Variants in AOAH observed in about 807,000 individuals in gnomAD.
AOAH encodes acyloxyacyl hydrolase, also known as acyloxyacyl hydrolase (neutrophil).
A neutral mutation model predicts 92.2 loss-of-function variants in AOAH; 64 were observed. That is an observed-to-expected ratio of 0.69 (90% CI 0.57 to 0.86). The LOEUF (loss-of-function observed/expected upper bound fraction) is 0.86, where lower values mean the gene tolerates loss of function less well. Among genes scored for constraint, AOAH ranks in the 40% least tolerant of loss-of-function variants. The pLI is 0.00. For synonymous variants in AOAH, 263 were observed against 254.5 expected, an observed-to-expected ratio of 1.03 and a Z score of -0.32; for missense variants, 656 against 694.6, an observed-to-expected ratio of 0.94 and a Z score of 0.62.
At chr7:36,611,707 T>A (rs543638524) in intron 11 of AOAH, among the ~76,000 whole-genome samples, 1 of 152,282 alleles carries the variant, frequency 6.6e-6, no homozygotes, top group Admixed American at 6.5e-5. Context: ...GGAGGACAAG[T>A]ACAAGGATTT....
In AOAH at chr7:36,516,709, G is replaced by A. The variant is rs1562853113; in HGVS notation, c.1600-3329C>T. 6.6e-6 allele frequency among the ~76,000 whole-genome samples: 1 copy of A among 152,114 alleles called. No homozygotes were observed. Among genetic ancestry groups the A allele is most frequent in the Non-Finnish European group, 1.5e-5 (1 of 68,028 alleles). On this transcript the variant is annotated intron_variant, in intron 20 of 20. Coordinates refer to ENST00000617537, the MANE Select transcript of AOAH (RefSeq NM_001637.4). The surrounding 1 kb of genome is among the most constrained non-coding windows in gnomAD (Gnocchi z 5.0). Reference sequence around the variant, plus strand: ...CTGCCAGGTCTGTGGAAAATTACTGGTTCTTCTTTTTTGTGTTATTGGCTT... The same window carrying A: ...CTGCCAGGTCTGTGGAAAATTACTGATTCTTCTTTTTTGTGTTATTGGCTT...
chr7:36,709,478 G>A (rs1444275311), intron 1 of AOAH, among the ~76,000 whole-genome samples: 5 of 152,076 alleles, frequency 3.3e-5, no homozygotes, highest in Admixed American at 6.6e-5. Flanking sequence ...GATTTCCTGC[G>A]CCCTGAAATG....
chr7:36,554,290 T>C (rs1786514030), intron 13 of AOAH, among the ~76,000 whole-genome samples: 2 of 152,178 alleles, frequency 1.3e-5, no homozygotes, highest in South Asian at 4.1e-4. Flanking sequence ...GATCAGATAG[T>C]TGTAGATATG....
In AOAH at chr7:36,563,147, CAAAAAAAAAAAAAAAAAAAAAA is replaced by C. The variant is rs60240330; in HGVS notation, c.1021+13405_1021+13426del. 3.6e-4 allele frequency among the ~76,000 whole-genome samples: 13 copies of C among 36,052 alleles called. 1 individual carries two copies. The highest frequency in any genetic ancestry group is 1.4e-3 in the South Asian group (1 of 734). The allele number at this position is 36,052 out of a possible 152,430, so 23.7% of individuals were successfully genotyped here. ...GTGCAACAAGAATGAAACTCCGTCT[CAAAAAAAAAAAAAAAAAAAAAA>C]AAAAAAAAAAAAAAAGGCAATGGGA... On this transcript the variant is annotated intron_variant, in intron 13 of 20. Transcript: ENST00000617537.
rs537877866 is a variant in AOAH at position 36,614,167 on chromosome 7, G to A, written c.846+2213C>T. On this transcript the variant is annotated intron_variant, in intron 11 of 20. Transcript: ENST00000617537. The surrounding 1 kb of genome is among the most constrained non-coding windows in gnomAD (Gnocchi z 4.2). ...CCCACCGTGCCCATGTCCCTTTCTC[G>A]AGGGCAGGGGCACCACCCCCTTCTC... 3.9e-5 allele frequency among the ~76,000 whole-genome samples: 6 copies of A among 152,252 alleles called. No individual in the cohort carries two copies. The East Asian group carries it at 1.2e-3, about 29-fold the overall frequency.
chr7:36,684,010 A>AG (rs764854862), intron 2 of AOAH, among the ~76,000 whole-genome samples: 66 of 152,122 alleles, frequency 4.3e-4, no homozygotes, highest in Non-Finnish European at 8.2e-4. Context: ...AAAAAAAAAA[A>AG]GAGTGGCCAA....
At chr7:36,585,468 A>C (rs1178672979) in intron 12 of AOAH, among the ~76,000 whole-genome samples, 1 of 152,188 alleles carries the variant, frequency 6.6e-6, no homozygotes, top group African/African-American at 2.4e-5. Flanking sequence ...AAAAATGTAA[A>C]CATTTGGGTC....
chr7:36,597,296 A>G lies in AOAH; in HGVS notation c.847-2866T>C, dbSNP rs1040700063. ...CAGCACCCACCACTTTCTGCTCGAG[A>G]CTCCACCATTACTGTGACTCAGCTA... On this transcript the variant is annotated intron_variant, in intron 11 of 20. Transcript: ENST00000617537. 1.8e-4 allele frequency among the ~76,000 whole-genome samples: 28 copies of G among 151,530 alleles called. No homozygotes were observed. The South Asian group carries it at 1.9e-3, about 10-fold the overall frequency.
intron 5 of AOAH, among the ~76,000 whole-genome samples, chr7:36,637,266 TG>T (rs1793586013): frequency 6.6e-6 from 1 of 152,224 alleles, no homozygotes; most frequent in Non-Finnish European, 1.5e-5. Flanking sequence ...AGATCCCAGA[TG>T]CTCTCTGCAC....
intron 1 of AOAH, among the ~76,000 whole-genome samples, chr7:36,712,081 TAGAA>T (rs1351754755): frequency 6.6e-6 from 1 of 152,178 alleles, no homozygotes; most frequent in Non-Finnish European, 1.5e-5. Context: ...TATAGAGAAA[TAGAA>T]AGAGTGAAAT....
At position 36,530,424 on chromosome 7, in the gene AOAH, G is replaced by A; in HGVS notation, c.1516C>T (p.His506Tyr). The A allele has an allele frequency of 6.2e-7, 1 of 1,609,868 alleles. No individual in the cohort carries two copies. Among genetic ancestry groups the A allele is most frequent in the Non-Finnish European group, 8.5e-7 (1 of 1,176,256 alleles). ...FNLFYMDFAF[H>Y]EIIQEWQKRG... Reference sequence around the variant, plus strand: ...CCCAAACAAAGCTACTTACTTTCATGGAAGGCAAAATCCATGTAGAAAAGA... The same window carrying A: ...CCCAAACAAAGCTACTTACTTTCATAGAAGGCAAAATCCATGTAGAAAAGA... Residue 506 changes from histidine to tyrosine, a missense_variant, in exon 19 of 21, where the codon CAT becomes TAT. By Grantham distance (83) the His-to-Tyr change is moderately conservative. Coordinates refer to ENST00000617537, the MANE Select transcript of AOAH (RefSeq NM_001637.4).
At chr7:36,542,193 TG>T (rs1272337719) in intron 15 of AOAH, among the ~76,000 whole-genome samples, 1 of 152,072 alleles carries the variant, frequency 6.6e-6, no homozygotes, top group Non-Finnish European at 1.5e-5. Flanking sequence ...AAGCAGACAC[TG>T]GGGTTATGGC....
chr7:36,618,617 G>C (rs1004949755), intron 9 of AOAH, among the ~76,000 whole-genome samples: 21 of 152,202 alleles, frequency 1.4e-4, no homozygotes, highest in African/African-American at 5.1e-4. Flanking sequence ...CCTGGACCAG[G>C]GGTCTCACCC....
intron 1 of AOAH, among the ~76,000 whole-genome samples, chr7:36,695,331 ATAACT>A (rs1328879181): frequency 6.6e-6 from 1 of 152,232 alleles, no homozygotes; most frequent in African/African-American, 2.4e-5. Flanking sequence ...TTTATCAAAC[ATAACT>A]TATTAAATAT....
chr7:36,641,687 T>A (rs1793932025), intron 4 of AOAH, among the ~76,000 whole-genome samples: 1 of 152,084 alleles, frequency 6.6e-6, no homozygotes, highest in African/African-American at 2.4e-5. Flanking sequence ...TATAACACAC[T>A]CCCATGCATA....
intron 9 of AOAH, 128 bp downstream of exon 9, chr7:36,620,653 G>T: frequency 1.3e-6 from 1 of 795,586 alleles, no homozygotes; most frequent in Non-Finnish European, 2.0e-6. Context: ...CCTCTTCTAA[G>T]CAGCAGGAAA....
At chr7:36,543,943 C>CTTTTTTTTTTTTTTTTTTTTTTTT (rs1407764591) in intron 15 of AOAH, among the ~76,000 whole-genome samples, 1 of 82,796 alleles carries the variant, frequency 1.2e-5, no homozygotes, top group African/African-American at 4.7e-5. Flanking sequence ...TTCTTTCTTT[C>CTTTTTTTTTTTTTTTTTTTTTTTT]TTTCTTTTTT....
intron 19 of AOAH, among the ~76,000 whole-genome samples, chr7:36,529,087 T>G (rs1004906290): frequency 2.6e-5 from 4 of 152,152 alleles, no homozygotes; most frequent in African/African-American, 9.7e-5. Flanking sequence ...GATGACACAT[T>G]ATTTCATAGA....
intron 12 of AOAH, among the ~76,000 whole-genome samples, chr7:36,591,106 A>G (rs954968183): frequency 2.0e-5 from 3 of 152,152 alleles, no homozygotes; most frequent in African/African-American, 7.2e-5. Flanking sequence ...TTCCTTTTCC[A>G]TTAAAAGGAG....
Sources: gnomAD v4.1 joint callset for allele counts (sites outside exome capture counted in the v4.1 genomes callset) on GRCh38, gnomAD v4.1.1 for gene constraint, Gnocchi (gnomAD v3.1) non-coding constraint, MANE v1.5 for transcripts, NCBI Gene and HGNC (gene_info 2026-07-23, HGNC 2026-07-21) for gene names.